GPBP1: variants seen among roughly 807,000 people sequenced by gnomAD.
GPBP1 encodes GC-rich promoter binding protein 1.
Under a neutral mutation model 56.5 loss-of-function variants are expected in GPBP1, and 13 were observed. That is an observed-to-expected ratio of 0.23 (90% CI 0.15 to 0.37). The LOEUF is 0.37. GPBP1 is among the 10% of genes least tolerant of loss of function. The pLI is 1.00. For synonymous variants in GPBP1, 204 were observed against 188.9 expected, an observed-to-expected ratio of 1.08 and a Z score of -0.66; for missense variants, 477 against 572.3, an observed-to-expected ratio of 0.83 and a Z score of 1.70.
In GPBP1 at chr5:57,262,579, C is replaced by T. The variant is rs747101123; in HGVS notation, c.1264-15C>T. 1.9e-6 allele frequency: 3 copies of T among 1,571,242 alleles called. No homozygotes were observed. The highest frequency in any genetic ancestry group is 2.6e-6 in the Non-Finnish European group (3 of 1,142,350). On this transcript the variant is annotated splice_polypyrimidine_tract_variant and intron_variant, in intron 11 of 11. Transcript: ENST00000506184. ...CTTGAGGGATAATTTATTTATTTTGCTGTTAACATTTTAGTTACAGAAGAA... is the reference window on the plus strand; with the variant it reads ...CTTGAGGGATAATTTATTTATTTTGTTGTTAACATTTTAGTTACAGAAGAA...
intron 3 of GPBP1, 25 bp from the exon 4 acceptor site, chr5:57,230,821 C>A (rs1320414483): frequency 1.9e-6 from 3 of 1,579,028 alleles, no homozygotes; most frequent in Admixed American, 1.8e-5. Flanking sequence ...TTCATAAATA[C>A]CTGTATTTTT....
At position 57,233,371 on chromosome 5, in the gene GPBP1, TTAA is replaced by T. The variant is rs113408121; in HGVS notation, c.411+2055_411+2057del. Among the ~76,000 whole-genome samples the T allele has an allele frequency of 6.1e-3, 927 of 152,244 alleles. 10 individuals carry two copies. The highest frequency in any genetic ancestry group is 0.021 in the African/African-American group (893 of 41,542). On this transcript the variant is annotated intron_variant, in intron 5 of 11. Transcript: ENST00000506184. Reference sequence around the variant, plus strand: ...CATGTTAGTGATCTGTTTTTTCCACTTAATAATCATAACATTAAAATTTTACAG... The same window carrying T: ...CATGTTAGTGATCTGTTTTTTCCACTTAATCATAACATTAAAATTTTACAG...
Position 57,262,911 on chromosome 5 carries a change from G to A in GPBP1, c.*159G>A. ...ATATGAAGAAAACCAAGAATGTTTT[G>A]TTGGGCTGTGTTGAACATTATTTCT... is the stretch of plus-strand genomic sequence containing the variant. On this transcript the variant is annotated 3_prime_UTR_variant, in exon 12 of 12. Coordinates refer to ENST00000506184, the MANE Select transcript of GPBP1 (RefSeq NM_022913.4). 5.1e-6 allele frequency: 3 copies of A among 588,026 alleles called. No individual in the cohort carries two copies. Among genetic ancestry groups the A allele is most frequent in the South Asian group, 4.8e-5 (2 of 41,752 alleles). 36.4% of individuals were successfully genotyped at this position (588,026 alleles called of 1,614,324 possible).
intron 5 of GPBP1, among the ~76,000 whole-genome samples, chr5:57,233,914 G>A (rs1434301985): frequency 6.6e-6 from 1 of 152,160 alleles, no homozygotes; most frequent in East Asian, 1.9e-4. Flanking sequence ...CACATAGTAA[G>A]CACTCAATAA....
At chr5:57,180,541 G>T (rs1371236854) in intron 2 of GPBP1, among the ~76,000 whole-genome samples, 1 of 152,186 alleles carries the variant, frequency 6.6e-6, no homozygotes, top group Non-Finnish European at 1.5e-5. Context: ...TTAGATCCAG[G>T]TAAGGTACTG....
intron 2 of GPBP1, among the ~76,000 whole-genome samples, chr5:57,199,534 CT>C (rs1465699408): frequency 6.6e-6 from 1 of 151,646 alleles, no homozygotes. Context: ...CTTTTCTTTT[CT>C]TTTTATATAT....
intron 2 of GPBP1, among the ~76,000 whole-genome samples, chr5:57,188,607 G>C (rs936525167): frequency 1.3e-5 from 2 of 152,026 alleles, no homozygotes; most frequent in East Asian, 3.9e-4. Context: ...GCTGGGCATG[G>C]TATTGGGTGC....
intron 10 of GPBP1, among the ~76,000 whole-genome samples, chr5:57,254,134 C>A (rs1194954920): frequency 6.6e-6 from 1 of 152,044 alleles, no homozygotes; most frequent in Non-Finnish European, 1.5e-5. Flanking sequence ...CCATGTTGCC[C>A]AGGCTGGTCT....
chr5:57,178,917 A>G (rs1171170302), intron 2 of GPBP1, among the ~76,000 whole-genome samples: 4 of 152,170 alleles, frequency 2.6e-5, no homozygotes, highest in Non-Finnish European at 4.4e-5. Flanking sequence ...ATAGTGGCTA[A>G]CATTTATAGA....
At chr5:57,260,283 C>A (rs983171824) in intron 10 of GPBP1, among the ~76,000 whole-genome samples, 4 of 152,180 alleles carry the variant, frequency 2.6e-5, no homozygotes, top group Admixed American at 6.5e-5. Flanking sequence ...TCTGCTGCTG[C>A]TTCTGTGAGG....
chr5:57,191,841 TGA>T (rs1315194154), intron 2 of GPBP1, among the ~76,000 whole-genome samples: 1 of 152,214 alleles, frequency 6.6e-6, no homozygotes, highest in Non-Finnish European at 1.5e-5. Flanking sequence ...ATTACAGGCG[TGA>T]GCCACCACGC....
chr5:57,200,436 C>T (rs545865931), intron 2 of GPBP1, among the ~76,000 whole-genome samples: 3 of 137,178 alleles, frequency 2.2e-5, no homozygotes, highest in East Asian at 2.2e-4. Flanking sequence ...AGCACGATCT[C>T]GGCTCACTGC....
At chr5:57,208,903 C>T (rs1408510915) in intron 2 of GPBP1, among the ~76,000 whole-genome samples, 2 of 152,070 alleles carry the variant, frequency 1.3e-5, no homozygotes, top group East Asian at 3.9e-4. Flanking sequence ...GATCCACCTG[C>T]CTGGGCCTCC....
At chr5:57,262,523 A>G in intron 11 of GPBP1, 71 bp from the exon 12 acceptor site, 1 of 1,162,422 alleles carries the variant, frequency 8.6e-7, no homozygotes, top group Non-Finnish European at 1.3e-6. Flanking sequence ...TATTATATTC[A>G]TGCTTATATT....
At chr5:57,237,272 A>ATTCC in intron 6 of GPBP1, 1 of 835,632 alleles carries the variant, frequency 1.2e-6, no homozygotes, top group Non-Finnish European at 2.0e-6. Flanking sequence ...GAAATTAGGA[A>ATTCC]TAATTTGGAT....
At chr5:57,261,033 A>G (rs1741873856) in intron 10 of GPBP1, 147 bp from the exon 11 acceptor site, 1 of 505,890 alleles carries the variant, frequency 2.0e-6, no homozygotes, top group Non-Finnish European at 3.6e-6. Context: ...AAGATACTCA[A>G]AGCCTGAGCT....
At position 57,254,282 on chromosome 5, in the gene GPBP1, T is replaced by A. The variant is rs530394440; in HGVS notation, c.1160+3141T>A. ...CCTTCAGAATAAATCTTTATCTTTCTGTCTTTAATCATATATTATTACTTT... is the reference window on the plus strand; with the variant it reads ...CCTTCAGAATAAATCTTTATCTTTCAGTCTTTAATCATATATTATTACTTT... On this transcript the variant is annotated intron_variant, in intron 10 of 11. Coordinates refer to ENST00000506184, the MANE Select transcript of GPBP1 (RefSeq NM_022913.4). 2.0e-5 allele frequency among the ~76,000 whole-genome samples: 3 copies of A among 152,342 alleles called. No individual in the cohort carries two copies. In the East Asian group the frequency reaches 5.8e-4, roughly 29 times the overall value.
At chr5:57,231,638 A>T (rs1199811504) in intron 5 of GPBP1, among the ~76,000 whole-genome samples, 1 of 152,354 alleles carries the variant, frequency 6.6e-6, no homozygotes, top group East Asian at 1.9e-4. Context: ...AGAAAAATTG[A>T]CCCAGTGTAC....
intron 10 of GPBP1, 131 bp downstream of exon 10, chr5:57,251,272 C>A: frequency 1.3e-6 from 1 of 754,170 alleles, no homozygotes; most frequent in Non-Finnish European, 2.1e-6. Flanking sequence ...TTATGATATA[C>A]AGATGGTTTT....
Sources: allele counts gnomAD v4.1 joint callset (sites outside exome capture counted in the v4.1 genomes callset), GRCh38; gene constraint gnomAD v4.1.1; transcripts MANE v1.5; gene names NCBI Gene and HGNC (gene_info 2026-07-23, HGNC 2026-07-21).